Variants in CDH18 observed in about 807,000 individuals in gnomAD.
CDH18 encodes cadherin-18.
In CDH18, 31 loss-of-function variants were observed where a neutral mutation model predicts 67.9. The observed-to-expected ratio is 0.46, with a 90% CI of 0.34 to 0.62. CDH18 has a LOEUF of 0.62. Among genes scored for constraint, CDH18 ranks in the 20% least tolerant of loss-of-function variants. The pLI, the probability that CDH18 is intolerant of heterozygous loss-of-function variation, is 0.01. For synonymous variants in CDH18, 362 were observed against 347.2 expected (o/e 1.04, Z -0.48); for missense variants, 890 against 975.5 (o/e 0.91, Z 1.17).
chr5:20,491,629 G>A (rs1045824118), intron 1 of CDH18, among the ~76,000 whole-genome samples: 5 of 152,246 alleles, frequency 3.3e-5, no homozygotes, highest in Admixed American at 6.5e-5. Flanking sequence ...GAGCATCAGC[G>A]GCAGAATTTC....
At chr5:19,666,865 A>G (rs1431281089) in intron 5 of CDH18, among the ~76,000 whole-genome samples, 1 of 152,100 alleles carries the variant, frequency 6.6e-6, no homozygotes, top group Admixed American at 6.6e-5. Context: ...TAAAAAAGTT[A>G]CCTGTGGCCT....
intron 1 of CDH18, among the ~76,000 whole-genome samples, chr5:20,460,944 A>G (rs1751223029): frequency 6.6e-6 from 1 of 152,224 alleles, no homozygotes; most frequent in South Asian, 2.1e-4. Flanking sequence ...TGAAAAATGT[A>G]TCCTCAGGAG....
intron 2 of CDH18, among the ~76,000 whole-genome samples, chr5:20,125,804 C>T (rs981679019): frequency 1.3e-5 from 2 of 151,954 alleles, no homozygotes; most frequent in African/African-American, 4.8e-5. Flanking sequence ...ATAGTTGATT[C>T]CCTTCATTTC....
At chr5:20,121,920 A>G (rs1201805010) in intron 2 of CDH18, among the ~76,000 whole-genome samples, 1 of 152,196 alleles carries the variant, frequency 6.6e-6, no homozygotes, top group East Asian at 1.9e-4. Context: ...CACCACTATC[A>G]TGGCATAAAC....
rs373929747 is a variant in CDH18, at chr5:19,968,138, C to T, written c.-257+12922G>A. On this transcript the variant is annotated intron_variant, in intron 2 of 12. Transcript: ENST00000382275. ...ACCTAGGAATCCAACTTACAAGGGA[C>T]GTGAAGGACCTCTTCAAGGATAACT... Among the ~76,000 whole-genome samples, 751 of 151,832 alleles carry T rather than the reference C, an allele frequency of 4.9e-3. 1 individual carries two copies. The highest frequency in any genetic ancestry group is 7.3e-3 in the Non-Finnish European group (494 of 67,924).
Position 19,971,066 on chromosome 5 carries a change from A to T in CDH18, c.-257+9994T>A, listed in dbSNP as rs140302050. On this transcript the variant is annotated intron_variant, in intron 2 of 12. Transcript: ENST00000382275. ...ATTCTAAAAGAAATATATTTTTAAC[A>T]TGATGTCTTGAAAATAGCTCATTTT... Among the ~76,000 whole-genome samples, 68 of 152,026 alleles carry T rather than the reference A, an allele frequency of 4.5e-4. No homozygotes were observed. In the East Asian group the frequency reaches 8.9e-3, roughly 20 times the overall value.
At chr5:20,057,327 C>A (rs1316330340) in intron 2 of CDH18, among the ~76,000 whole-genome samples, 1 of 152,184 alleles carries the variant, frequency 6.6e-6, no homozygotes, top group Non-Finnish European at 1.5e-5. Context: ...TATCCTGAAT[C>A]TTTTTTTCTG....
chr5:20,294,033 A>G (rs1029525902), intron 1 of CDH18, among the ~76,000 whole-genome samples: 4 of 152,178 alleles, frequency 2.6e-5, no homozygotes, highest in Non-Finnish European at 5.9e-5. Context: ...ATGAATATGT[A>G]CTGCTTGTTA....
At chr5:20,002,668 T>C (rs1375493565) in intron 2 of CDH18, among the ~76,000 whole-genome samples, 1 of 152,276 alleles carries the variant, frequency 6.6e-6, no homozygotes, top group East Asian at 1.9e-4. Flanking sequence ...TGAGAACACA[T>C]TACAAAAGAA....
chr5:19,788,458 T>A (rs943359758), intron 3 of CDH18, among the ~76,000 whole-genome samples: 3 of 152,198 alleles, frequency 2.0e-5, no homozygotes, highest in African/African-American at 7.2e-5. Context: ...AACATTTTAA[T>A]CTAAGAATAT....
intron 2 of CDH18, among the ~76,000 whole-genome samples, chr5:20,072,641 G>A (rs80159357): frequency 0.012 from 1,758 of 151,906 alleles, 39 homozygotes; most frequent in African/African-American, 0.04. Context: ...TGGAGTGCAC[G>A]TGCAATGAAC....
intron 2 of CDH18, among the ~76,000 whole-genome samples, chr5:19,923,571 C>T (rs1399202345): frequency 2.6e-5 from 4 of 152,106 alleles, no homozygotes; most frequent in African/African-American, 9.7e-5. Flanking sequence ...GAATATGATT[C>T]TAGACTCTGG....
chr5:20,384,322 C>T (rs2150105283), intron 1 of CDH18, among the ~76,000 whole-genome samples: 1 of 152,240 alleles, frequency 6.6e-6, no homozygotes, highest in South Asian at 2.1e-4. Context: ...TTAGATATCA[C>T]ATAAAAGTGA....
At chr5:19,963,695 T>C (rs1797140745) in intron 2 of CDH18, among the ~76,000 whole-genome samples, 1 of 152,192 alleles carries the variant, frequency 6.6e-6, no homozygotes, top group South Asian at 2.1e-4. Context: ...ATTAAACTTC[T>C]TTCCTTTATA....
At chr5:20,500,543 G>A (rs559454753) in intron 1 of CDH18, among the ~76,000 whole-genome samples, 5 of 152,218 alleles carry the variant, frequency 3.3e-5, no homozygotes, top group Admixed American at 1.3e-4. Flanking sequence ...GCCTTCATCT[G>A]GTATTGGGAG....
At chr5:20,029,953 G>T (rs527488003) in intron 2 of CDH18, among the ~76,000 whole-genome samples, 2 of 152,252 alleles carry the variant, frequency 1.3e-5, no homozygotes, top group African/African-American at 4.8e-5. Context: ...TCTGATGGCT[G>T]TCAGAATTTA....
intron 2 of CDH18, among the ~76,000 whole-genome samples, chr5:19,899,243 T>C (rs1276377694): frequency 2.6e-5 from 4 of 151,880 alleles, no homozygotes; most frequent in Non-Finnish European, 5.9e-5. Context: ...CTACTAAAAA[T>C]AGAAAAATTA....
In CDH18 at chr5:19,483,489, T is replaced by C. The variant is rs372068740; in HGVS notation, c.1694A>G (p.Tyr565Cys). The change falls in exon 12 of 13, where the codon TAT becomes TGT. Residue 565 changes from tyrosine (Y) to cysteine (C), a missense_variant. Tyr to Cys is a radical substitution (Grantham distance 194, BLOSUM62 -2). Around this residue, in one of 2 missense-constraint regions of CDH18, gnomAD observed 656 missense variants for 668.1 expected, o/e 0.98. Transcript: ENST00000382275. Reference sequence around the variant, plus strand: ...ACCATCAGAGATCATAATGGGCAGATAATACACATCCTGAACAGTTCGACT... The same window carrying C: ...ACCATCAGAGATCATAATGGGCAGACAATACACATCCTGAACAGTTCGACT... ...RFSRTVQDVY[Y>C]LPIMISDGGI... is the part of the protein sequence containing the mutation. 3.1e-6 allele frequency: 5 copies of C among 1,614,010 alleles called. No individual in the cohort carries two copies. Among genetic ancestry groups the C allele is most frequent in the African/African-American group, 2.7e-5 (2 of 74,932 alleles).
At chr5:20,037,818 T>C (rs1740024706) in intron 2 of CDH18, among the ~76,000 whole-genome samples, 1 of 151,562 alleles carries the variant, frequency 6.6e-6, no homozygotes, top group African/African-American at 2.4e-5. Flanking sequence ...GCAAACACAT[T>C]CAAAAGCTAG....
Sources: allele counts gnomAD v4.1 joint callset (sites outside exome capture counted in the v4.1 genomes callset), GRCh38; gene constraint gnomAD v4.1.1; regional missense constraint gnomAD v4.1.1; transcripts MANE v1.5; gene names NCBI Gene and HGNC (gene_info 2026-07-23, HGNC 2026-07-21).